Variants in HSPB7 observed in about 807,000 individuals in gnomAD.
The protein encoded by HSPB7 is heat shock protein beta-7.
In HSPB7, 9 loss-of-function variants were observed where a neutral mutation model predicts 11.0. The observed-to-expected ratio is 0.82, with a 90% confidence interval of 0.49 to 1.43. The LOEUF is 1.43. Among genes scored for constraint, HSPB7 ranks in the 40% most tolerant of loss-of-function variants. The pLI, the probability that HSPB7 is intolerant of heterozygous loss-of-function variation, is 0.00. For missense variants in HSPB7, 246 were observed against 243.9 expected, an observed-to-expected ratio of 1.01 and a Z score of -0.06; for synonymous variants, 102 against 101.6, an observed-to-expected ratio of 1.00 and a Z score of -0.02.
Position 16,017,928 on chromosome 1 carries a change from C to T in HSPB7, c.36G>A (p.Glu12=). 3 of 1,613,420 alleles carry T rather than the reference C, an allele frequency of 1.9e-6. No homozygotes were observed. Among genetic ancestry groups the T allele is most frequent in the Non-Finnish European group, 2.5e-6 (3 of 1,179,668 alleles). The change falls in exon 1 of 3, where the codon GAG becomes GAA. Residue 12 remains glutamate (E), a synonymous_variant. Coordinates refer to ENST00000311890, the MANE Select transcript of HSPB7 (RefSeq NM_014424.5). ...AAGAGGAAGAGGAATGGAAACTTCT[C>T]TCCGCTCGGAAGGTGGAAGAGGTTC... ...SHRTSSTFRA[E]RSFHSSSSSS... is the part of the protein sequence containing the mutation.
chr1:16,018,260 C>T (rs1277595636), upstream of HSPB7: 1 of 1,412,384 alleles, frequency 7.1e-7, no homozygotes, highest in Admixed American at 2.2e-5. Context: ...CAGGGGCCTC[C>T]TCACCACTGC....
upstream of HSPB7, chr1:16,018,726 T>C (rs2021947524): frequency 9.6e-7 from 1 of 1,046,502 alleles, no homozygotes; most frequent in Non-Finnish European, 1.2e-6. Context: ...AACTGTCTGC[T>C]CCATCTCTGT....
At position 16,015,848 on chromosome 1, in the gene HSPB7, C is replaced by T. The variant is rs1400865025; in HGVS notation, c.334-89G>A. ...AGCCCTCTTCTCCCCATTCTAACCC[C>T]AGCCAGACCCCACATGCCGAGGGGC... On this transcript the variant is annotated intron_variant, in intron 2 of 2. Transcript: ENST00000311890. The surrounding 1 kb of genome is among the most constrained non-coding windows in gnomAD (Gnocchi z 4.9). 7.7e-7 allele frequency: 1 copy of T among 1,291,608 alleles called. No homozygotes were observed. The highest frequency in any genetic ancestry group is 1.5e-5 in the African/African-American group (1 of 67,616). The allele number at this position is 1,291,608 out of a possible 1,614,324, so 80.0% of individuals were successfully genotyped here.
Position 16,017,932 on chromosome 1 carries a change from G to A in HSPB7, c.32C>T (p.Ala11Val), listed in dbSNP as rs759093920. 28 of 1,613,254 alleles carry A rather than the reference G, an allele frequency of 1.7e-5. 1 individual carries two copies. In the Middle Eastern group the frequency reaches 4.9e-4, roughly 28 times the overall value. ...GGAAGAGGAATGGAAACTTCTCTCC[G>A]CTCGGAAGGTGGAAGAGGTTCTGTG... The part of the protein sequence containing the change: MSHRTSSTFR[A>V]ERSFHSSSSS... Residue 11 changes from alanine (A) to valine (V), a missense_variant, in exon 1 of 3, where the codon GCG becomes GTG. By Grantham distance (64) the Ala-to-Val change is moderately conservative (BLOSUM62 0). Transcript: ENST00000311890.
chr1:16,018,191 C>A, upstream of HSPB7: 2 of 1,510,842 alleles, frequency 1.3e-6, no homozygotes, highest in Non-Finnish European at 1.8e-6. Flanking sequence ...GACAGCCCGA[C>A]ACGCAGGCCG....
At chr1:16,017,569 TGTTCCTTA>T (rs1259908258) in intron 1 of HSPB7, 188 bp downstream of exon 1, 3 of 603,470 alleles carry the variant, frequency 5.0e-6, no homozygotes, top group Non-Finnish European at 8.7e-6. Context: ...GGGCCACAAC[TGTTCCTTA>T]GAGGCCCACC....
Position 16,015,706 on chromosome 1 carries a change from C to T in HSPB7, c.387G>A (p.Pro129=), listed in dbSNP as rs11807575. ...TCACCGACGTCGGGTCCACGTCCTC[C>T]GGCAGCTGGCACTTGTGAGCGAAGG... ...MNTFAHKCQL[P]EDVDPTSVTS... Residue 129 remains proline (P), a synonymous_variant, in exon 3 of 3, where the codon CCG becomes CCA. Coordinates refer to ENST00000311890, the MANE Select transcript of HSPB7 (RefSeq NM_014424.5). This position sits in a 1 kb window ranked among gnomAD's most constrained non-coding sequence, Gnocchi z 4.9. The T allele has an allele frequency of 2.0e-3, 3,186 of 1,611,576 alleles. 66 individuals are homozygous for T. In the African/African-American group the frequency reaches 0.037, roughly 18 times the overall value.
chr1:16,015,260 C>A lies in HSPB7; in HGVS notation c.*320G>T. 1 of 316,832 alleles carries A rather than the reference C, an allele frequency of 3.2e-6. No homozygotes were observed. The highest frequency in any genetic ancestry group is 5.9e-6 in the Non-Finnish European group (1 of 170,094). 19.6% of individuals were successfully genotyped at this position (316,832 alleles called of 1,614,324 possible). Reference sequence around the variant, plus strand: ...CTGTCTGTCTGTCCTGCAGAGCTTGCCCATATGTCCTGCTGGTCCCATTCC... The same window carrying A: ...CTGTCTGTCTGTCCTGCAGAGCTTGACCATATGTCCTGCTGGTCCCATTCC... On this transcript the variant is annotated 3_prime_UTR_variant, in exon 3 of 3. Coordinates refer to ENST00000311890, the MANE Select transcript of HSPB7 (RefSeq NM_014424.5). The surrounding 1 kb of genome is among the most constrained non-coding windows in gnomAD (Gnocchi z 4.9).
upstream of HSPB7, chr1:16,018,932 C>T (rs555709433): frequency 1.1e-5 from 13 of 1,139,182 alleles, no homozygotes; most frequent in Admixed American, 6.0e-5. Context: ...ATGTTACGGA[C>T]GGGGAAGCGA....
At chr1:16,017,373 G>A in intron 1 of HSPB7, 166 bp from the exon 2 acceptor site, 1 of 841,246 alleles carries the variant, frequency 1.2e-6, no homozygotes, top group South Asian at 1.7e-5. Flanking sequence ...CCTTTTCTGG[G>A]GTGGGGGTGG....
upstream of HSPB7, chr1:16,019,262 C>T (rs1237563992): frequency 3.9e-6 from 6 of 1,536,358 alleles, no homozygotes; most frequent in African/African-American, 1.4e-5. Context: ...GCTCCAATGC[C>T]TCCTCCCCCA....
chr1:16,017,399 AGT>A, intron 1 of HSPB7, 192 bp from the exon 2 acceptor site: 13 of 680,596 alleles, frequency 1.9e-5, no homozygotes, highest in Non-Finnish European at 2.9e-5. Context: ...CACCCAGCAC[AGT>A]GTGTGTGTAT....
At chr1:16,018,148 G>T (rs1224279853), upstream of HSPB7, 2 of 1,542,070 alleles carry the variant, frequency 1.3e-6, no homozygotes, top group Non-Finnish European at 8.8e-7. Flanking sequence ...CCCAGAGGGG[G>T]CTGGAAATCT....
upstream of HSPB7, chr1:16,019,585 T>C: frequency 8.8e-7 from 1 of 1,135,680 alleles, no homozygotes; most frequent in East Asian, 2.6e-5. Flanking sequence ...GTGCTGGTGG[T>C]ATGTGGAGTG....
rs777013917 is a variant in HSPB7 at position 16,018,015 on chromosome 1, G to C, written c.-52C>G. 2 of 1,611,488 alleles carry C rather than the reference G, an allele frequency of 1.2e-6. No homozygotes were observed. Among genetic ancestry groups the C allele is most frequent in the Admixed American group, 3.3e-5 (2 of 59,922 alleles). On this transcript the variant is annotated 5_prime_UTR_variant, in exon 1 of 3. Coordinates refer to ENST00000311890, the MANE Select transcript of HSPB7 (RefSeq NM_014424.5). ...GGCGGGCGAGGGCTGGACAGGAGAG[G>C]GTGTGGGCGCAGGCCTCTGGGCGAG...
At chr1:16,018,160 CTCCCGTGCGCCGG>C, upstream of HSPB7, 1 of 1,538,716 alleles carries the variant, frequency 6.5e-7, no homozygotes, top group South Asian at 1.2e-5. Context: ...TGGAAATCTT[CTCCCGTGCGCCGG>C]CCCTGCTGAC....
At chr1:16,019,371 T>C (rs41269163), upstream of HSPB7, 6,708 of 1,468,420 alleles carry the variant, frequency 4.6e-3, 30 homozygotes, top group Admixed American at 8.4e-3. Context: ...CCTGGCAGTG[T>C]GACATAGTCT....
In HSPB7 at chr1:16,017,895, G is replaced by C. The variant is rs966119866; in HGVS notation, c.69C>G (p.Ser23=). 2.5e-6 allele frequency: 4 copies of C among 1,613,158 alleles called. No homozygotes were observed. Among genetic ancestry groups the C allele is most frequent in the Non-Finnish European group, 3.4e-6 (4 of 1,179,362 alleles). ...RSFHSSSSSS[S]SSTSSSASRA... ...GGGAGGCCGAGGAGGAGGTGGAAGA[G>C]GAGGAGGAAGAGGAAGAGGAATGGA... Residue 23 remains serine, a synonymous_variant, in exon 1 of 3, where the codon TCC becomes TCG. Transcript: ENST00000311890.
chr1:16,018,829 G>C, upstream of HSPB7: 1 of 1,254,954 alleles, frequency 8.0e-7, no homozygotes, highest in Non-Finnish European at 1.0e-6. Context: ...CTGAGTTCTA[G>C]AATGCCTTCT....
Sources: allele counts gnomAD v4.1 joint callset, GRCh38; gene constraint gnomAD v4.1.1; non-coding constraint Gnocchi (gnomAD v3.1); transcripts MANE v1.5; gene names NCBI Gene and HGNC (gene_info 2026-07-23, HGNC 2026-07-21).